Variants in PLCB4 observed in about 807,000 individuals in gnomAD.
The protein encoded by PLCB4 is phospholipase C beta 4, also known as 1-phosphatidylinositol 4,5-bisphosphate phosphodiesterase beta-4.
A neutral mutation model predicts 178.8 loss-of-function variants in PLCB4; 77 were observed. The ratio of observed to expected loss-of-function variants is 0.43; its 90% confidence interval spans 0.36 to 0.52. The LOEUF (loss-of-function observed/expected upper bound fraction) is 0.52, where lower values mean the gene tolerates loss of function less well. PLCB4 is among the 20% of genes least tolerant of loss of function. PLCB4 has a pLI of 0.00. For synonymous variants in PLCB4, 496 were observed against 490.8 expected (o/e 1.01, Z -0.14); for missense variants, 1,024 against 1,453.4 (o/e 0.70, Z 4.80).
chr20:9,260,924 T>C (rs2094290884), intron 3 of PLCB4, among the ~76,000 whole-genome samples: 2 of 152,162 alleles, frequency 1.3e-5, no homozygotes, highest in Non-Finnish European at 2.9e-5. Flanking sequence ...TGTTTACAAA[T>C]GAAAAAGAGG....
At chr20:9,447,653 A>G (rs1240714853) in intron 32 of PLCB4, among the ~76,000 whole-genome samples, 3 of 152,226 alleles carry the variant, frequency 2.0e-5, no homozygotes, top group Non-Finnish European at 4.4e-5. Flanking sequence ...AACTGTGGCC[A>G]TTTTTATAGC....
intron 2 of PLCB4, among the ~76,000 whole-genome samples, chr20:9,113,330 A>C (rs908835916): frequency 1.3e-5 from 2 of 152,214 alleles, no homozygotes; most frequent in Admixed American, 6.5e-5. Context: ...CAGTTCTCCA[A>C]GAGAACATTC....
chr20:9,089,785 G>A (rs924837359), intron 1 of PLCB4, among the ~76,000 whole-genome samples: 2 of 152,130 alleles, frequency 1.3e-5, no homozygotes. Context: ...AAGTTAGCTG[G>A]TGAATAAGGA....
At chr20:9,465,010 G>A (rs1162416869) in intron 35 of PLCB4, among the ~76,000 whole-genome samples, 1 of 152,188 alleles carries the variant, frequency 6.6e-6, no homozygotes, top group Non-Finnish European at 1.5e-5. Flanking sequence ...TATCCCTGAT[G>A]AACATCCATG....
At chr20:9,362,159 G>A (rs912597561) in intron 7 of PLCB4, among the ~76,000 whole-genome samples, 4 of 152,166 alleles carry the variant, frequency 2.6e-5, no homozygotes, top group Non-Finnish European at 5.9e-5. Context: ...ATTCTTCTAT[G>A]GCATTCATTG....
intron 7 of PLCB4, among the ~76,000 whole-genome samples, chr20:9,362,165 C>A (rs1400479667): frequency 6.6e-6 from 1 of 152,188 alleles, no homozygotes; most frequent in African/African-American, 2.4e-5. Context: ...CTATGGCATT[C>A]ATTGGCATCA....
intron 2 of PLCB4, among the ~76,000 whole-genome samples, chr20:9,213,655 T>C (rs2093698105): frequency 1.3e-5 from 2 of 152,354 alleles, no homozygotes; most frequent in South Asian, 4.1e-4. Flanking sequence ...ATATATGTTT[T>C]CATTTTTTCT....
At chr20:9,292,314 TTGCCTGATAATTGTGGCAG>T (rs2094587011) in intron 3 of PLCB4, among the ~76,000 whole-genome samples, 1 of 152,220 alleles carries the variant, frequency 6.6e-6, no homozygotes, top group South Asian at 2.1e-4. Context: ...TGGCGATGTT[TTGCCTGATAATTGTGGCAG>T]GCAGTCCAAG....
At chr20:9,357,033 T>C (rs1033011110) in intron 7 of PLCB4, among the ~76,000 whole-genome samples, 1 of 152,114 alleles carries the variant, frequency 6.6e-6, no homozygotes, top group African/African-American at 2.4e-5. Flanking sequence ...GAAAATCATC[T>C]GGACCCAGGG....
At chr20:9,421,510 T>C (rs981512352) in intron 27 of PLCB4, 49 bp downstream of exon 27, 10 of 1,500,192 alleles carry the variant, frequency 6.7e-6, no homozygotes, top group Non-Finnish European at 9.2e-6. Flanking sequence ...TTGGGAGCCA[T>C]GTTTTAGTTC....
intron 7 of PLCB4, among the ~76,000 whole-genome samples, chr20:9,361,579 A>G (rs1602105023): frequency 6.6e-6 from 1 of 152,254 alleles, no homozygotes; most frequent in South Asian, 2.1e-4. Flanking sequence ...TTGCATAACA[A>G]CATGAATGTA....
At chr20:9,206,556 A>T (rs1483407865) in intron 2 of PLCB4, among the ~76,000 whole-genome samples, 2 of 152,134 alleles carry the variant, frequency 1.3e-5, no homozygotes, top group African/African-American at 2.4e-5. Flanking sequence ...CTTATGAAGG[A>T]GGGAAGAAAC....
chr20:9,349,498 G>A (rs560528208), intron 7 of PLCB4, among the ~76,000 whole-genome samples: 80 of 152,272 alleles, frequency 5.3e-4, no homozygotes, highest in Admixed American at 3.6e-3. Flanking sequence ...TTTCATGGGC[G>A]CTCAGCTCTT....
chr20:9,401,531 A>T lies in PLCB4; in HGVS notation c.1552A>T (p.Asn518Tyr). ...EEAHPEFKFG[N>Y]ELSADDLGHK... ...AGCTCACCCCGAATTCAAATTTGGA[A>T]ATGAACTTTCTGCTGATGACTTGGG... The change falls in exon 20 of 40, where the codon AAT becomes TAT. Residue 518 changes from asparagine to tyrosine, a missense_variant. Coordinates refer to ENST00000378473, the MANE Select transcript of PLCB4 (RefSeq NM_001377142.1). The T allele has an allele frequency of 6.2e-7, 1 of 1,613,948 alleles. No homozygotes were observed. The highest frequency in any genetic ancestry group is 8.5e-7 in the Non-Finnish European group (1 of 1,179,916).
At chr20:9,450,002 A>T (rs1022000938) in intron 32 of PLCB4, among the ~76,000 whole-genome samples, 3 of 152,196 alleles carry the variant, frequency 2.0e-5, no homozygotes, top group African/African-American at 7.2e-5. Context: ...GCCCATAGTC[A>T]CATCAGTCAC....
At chr20:9,449,322 C>T (rs888907578) in intron 32 of PLCB4, among the ~76,000 whole-genome samples, 3 of 152,040 alleles carry the variant, frequency 2.0e-5, no homozygotes, top group Non-Finnish European at 4.4e-5. Context: ...TACATATCTC[C>T]AGTAACGTGT....
At chr20:9,407,757 A>G (rs1157961092) in intron 21 of PLCB4, among the ~76,000 whole-genome samples, 160 bp from the exon 22 acceptor site, 1 of 152,254 alleles carries the variant, frequency 6.6e-6, no homozygotes, top group Non-Finnish European at 1.5e-5. Flanking sequence ...TACAACAGAC[A>G]CTAACTTCTT....
intron 7 of PLCB4, among the ~76,000 whole-genome samples, chr20:9,348,633 G>A (rs11908549): frequency 0.044 from 6,680 of 150,148 alleles, 357 homozygotes; most frequent in East Asian, 0.18. Flanking sequence ...AAAGGTCTAC[G>A]TTTGTTTGTT....
At chr20:9,100,867 T>C (rs1485814363) in intron 2 of PLCB4, among the ~76,000 whole-genome samples, 2 of 152,180 alleles carry the variant, frequency 1.3e-5, no homozygotes, top group African/African-American at 4.8e-5. Context: ...ACACAGCAGC[T>C]GTGTGACCAT....
Sources: allele counts gnomAD v4.1 joint callset (sites outside exome capture counted in the v4.1 genomes callset), GRCh38; gene constraint gnomAD v4.1.1; transcripts MANE v1.5; gene names NCBI Gene and HGNC (gene_info 2026-07-23, HGNC 2026-07-21).